The following MDGA2 variants were observed in gnomAD, a reference collection of about 807,000 sequenced individuals.
MDGA2 encodes MAM domain containing glycosylphosphatidylinositol anchor 2.
MDGA2 carries 40 observed loss-of-function variants against 117.8 expected under a neutral mutation model. The ratio of observed to expected loss-of-function variants is 0.34; its 90% CI spans 0.26 to 0.44. The LOEUF (loss-of-function observed/expected upper bound fraction) is 0.44. MDGA2 is among the 20% of genes least tolerant of loss of function. MDGA2 has a pLI of 1.00. For synonymous variants in MDGA2, 452 were observed against 439.0 expected, an observed-to-expected ratio of 1.03 and a Z score of -0.37; for missense variants, 1,123 against 1,250.6, an observed-to-expected ratio of 0.90 and a Z score of 1.54.
rs376122946 is a variant in MDGA2, at chr14:47,565,642, C to T, written c.280+108875G>A. On this transcript the variant is annotated intron_variant, in intron 1 of 16. Coordinates refer to ENST00000399232, the MANE Select transcript of MDGA2 (RefSeq NM_001113498.3). ...TCTTGTGCCACCAGTTGTGGCCATA[C>T]GACAGAGTGCATGCTCATTGGATGG... 1.2e-4 allele frequency among the ~76,000 whole-genome samples: 19 copies of T among 152,296 alleles called. No individual in the cohort carries two copies. In the East Asian group the frequency reaches 1.4e-3, roughly 11 times the overall value.
intron 1 of MDGA2, among the ~76,000 whole-genome samples, chr14:47,563,632 A>G (rs1200621159): frequency 2.0e-5 from 1 of 49,574 alleles, no homozygotes; most frequent in Non-Finnish European, 3.8e-5. Context: ...TTTTTTTTCC[A>G]TCTCTTTACT....
At chr14:47,267,278 TG>T (rs1594762493) in intron 2 of MDGA2, among the ~76,000 whole-genome samples, 2 of 144,460 alleles carry the variant, frequency 1.4e-5, no homozygotes, top group Admixed American at 1.6e-4. Context: ...ATATTCTAAG[TG>T]AAAAAAAACA....
intron 1 of MDGA2, among the ~76,000 whole-genome samples, chr14:47,403,036 T>C (rs1274033451): frequency 6.6e-6 from 1 of 152,146 alleles, no homozygotes; most frequent in Admixed American, 6.5e-5. Context: ...CTTAAGATCT[T>C]TCCCATGTTA....
chr14:47,040,722 C>T (rs576658163), intron 7 of MDGA2, among the ~76,000 whole-genome samples: 8 of 152,310 alleles, frequency 5.3e-5, no homozygotes, highest in African/African-American at 1.4e-4. Context: ...TTTGTAAATC[C>T]AGGCTGACCT....
intron 2 of MDGA2, among the ~76,000 whole-genome samples, chr14:47,253,672 G>A (rs1052817406): frequency 1.3e-5 from 2 of 152,172 alleles, no homozygotes; most frequent in Non-Finnish European, 2.9e-5. Context: ...GGTGCAAGCT[G>A]TTGGTGAATC....
rs947653985 is a variant in MDGA2 at position 47,398,084 on chromosome 14, G to A, written c.281-96534C>T. Among the ~76,000 whole-genome samples, 8 of 152,210 alleles carry A rather than the reference G, an allele frequency of 5.3e-5. No homozygotes were observed. In the East Asian group the frequency reaches 1.2e-3, roughly 22 times the overall value. ...TTGAGGCACCATAAAATGAAATGACGCTACTGAGGTCACATGATTGGTGTC... is the reference window on the plus strand; with the variant it reads ...TTGAGGCACCATAAAATGAAATGACACTACTGAGGTCACATGATTGGTGTC... On this transcript the variant is annotated intron_variant, in intron 1 of 16. Coordinates refer to ENST00000399232, the MANE Select transcript of MDGA2 (RefSeq NM_001113498.3).
intron 14 of MDGA2, among the ~76,000 whole-genome samples, chr14:46,861,243 T>G (rs1881494996): frequency 1.3e-5 from 2 of 151,910 alleles, no homozygotes; most frequent in Non-Finnish European, 3.0e-5. Context: ...ATACTATATG[T>G]CCTTCAGAAT....
At chr14:47,133,107 T>TAAAAAAAAAAAAAAA (rs555657080) in intron 4 of MDGA2, among the ~76,000 whole-genome samples, 2 of 135,740 alleles carry the variant, frequency 1.5e-5, no homozygotes, top group African/African-American at 5.3e-5. Flanking sequence ...TCCTCAGTGG[T>TAAAAAAAAAAAAAAA]AAAAAAAAAA....
chr14:47,498,399 T>A (rs904413734), intron 1 of MDGA2, among the ~76,000 whole-genome samples: 1 of 152,030 alleles, frequency 6.6e-6, no homozygotes, highest in Admixed American at 6.6e-5. Flanking sequence ...GGATAAATAT[T>A]TTTTTTTCAT....
intron 8 of MDGA2, among the ~76,000 whole-genome samples, chr14:47,033,880 C>T (rs1247803523): frequency 6.6e-6 from 1 of 152,168 alleles, no homozygotes; most frequent in Non-Finnish European, 1.5e-5. Flanking sequence ...TTGTCTCATA[C>T]TTTAATTATT....
At chr14:46,983,092 A>T (rs112677202) in intron 8 of MDGA2, among the ~76,000 whole-genome samples, 20,501 of 152,030 alleles carry the variant, frequency 0.13, 2,646 homozygotes, top group African/African-American at 0.32. Context: ...TGGTTCTGTT[A>T]ATATGCTGGA....
At chr14:47,174,020 T>G (rs1884313923) in intron 3 of MDGA2, among the ~76,000 whole-genome samples, 1 of 152,002 alleles carries the variant, frequency 6.6e-6, no homozygotes, top group Admixed American at 6.6e-5. Flanking sequence ...AAAACAGACT[T>G]TAAACCAACA....
chr14:47,167,439 A>C (rs1461361531), intron 3 of MDGA2, among the ~76,000 whole-genome samples: 1 of 152,152 alleles, frequency 6.6e-6, no homozygotes, highest in East Asian at 1.9e-4. Flanking sequence ...ATTGTGAAAA[A>C]CATAAAGCAT....
chr14:47,000,597 A>G (rs1156629764), intron 8 of MDGA2, among the ~76,000 whole-genome samples: 1 of 151,078 alleles, frequency 6.6e-6, no homozygotes, highest in African/African-American at 2.4e-5. Flanking sequence ...GAATGATTAT[A>G]AAGTTTTAGG....
At chr14:46,988,154 T>C (rs1200160478) in intron 8 of MDGA2, among the ~76,000 whole-genome samples, 1 of 151,972 alleles carries the variant, frequency 6.6e-6, no homozygotes, top group Non-Finnish European at 1.5e-5. Context: ...GTTGTATTTT[T>C]TTTTCTTCTC....
chr14:47,062,560 T>A (rs1383032863), intron 6 of MDGA2, among the ~76,000 whole-genome samples: 3 of 151,524 alleles, frequency 2.0e-5, no homozygotes, highest in Non-Finnish European at 4.4e-5. Context: ...TATCCCTACA[T>A]GACAAAATGT....
At chr14:47,172,983 C>T (rs980800385) in intron 3 of MDGA2, among the ~76,000 whole-genome samples, 19 of 151,968 alleles carry the variant, frequency 1.3e-4, no homozygotes, top group African/African-American at 3.4e-4. Context: ...AGCCAAGGCT[C>T]GAGAACTATG....
chr14:47,484,248 C>CAT (rs1190186737), intron 1 of MDGA2, among the ~76,000 whole-genome samples: 1 of 151,890 alleles, frequency 6.6e-6, no homozygotes, highest in African/African-American at 2.4e-5. Context: ...ATTAAAAAAA[C>CAT]ACATATATAT....
intron 1 of MDGA2, among the ~76,000 whole-genome samples, chr14:47,366,602 G>GGACA (rs1260453387): frequency 6.6e-6 from 1 of 151,698 alleles, no homozygotes; most frequent in African/African-American, 2.4e-5. Context: ...TCAATAAAAG[G>GGACA]GACAGTATAA....
Sources: allele counts gnomAD v4.1 joint callset (sites outside exome capture counted in the v4.1 genomes callset), GRCh38; gene constraint gnomAD v4.1.1; transcripts MANE v1.5; gene names NCBI Gene and HGNC (gene_info 2026-07-23, HGNC 2026-07-21).